TSNARE1: variants seen among roughly 807,000 people sequenced by gnomAD.
TSNARE1 encodes t-SNARE domain-containing protein 1.
A neutral mutation model predicts 62.0 loss-of-function variants in TSNARE1; 49 were observed. That is an observed-to-expected ratio of 0.79 (90% CI 0.63 to 1.00). The LOEUF (loss-of-function observed/expected upper bound fraction) is 1.00, where lower values mean the gene tolerates loss of function less well. TSNARE1 is among the 50% of genes least tolerant of loss of function. The pLI is 0.00. For synonymous variants in TSNARE1, 328 were observed against 294.4 expected (o/e 1.11, Z -1.17); for missense variants, 755 against 700.1 (o/e 1.08, Z -0.88).
chr8:142,288,442 C>T (rs1435798996), intron 10 of TSNARE1, among the ~76,000 whole-genome samples: 1 of 152,242 alleles, frequency 6.6e-6, no homozygotes, highest in Admixed American at 6.5e-5. Context: ...TTGGGGGAGG[C>T]CCCCGGAGGC....
intron 1 of TSNARE1, among the ~76,000 whole-genome samples, chr8:142,401,845 G>A (rs932287320): frequency 1.3e-5 from 2 of 152,208 alleles, no homozygotes; most frequent in African/African-American, 4.8e-5. Flanking sequence ...CTGCGGTCCT[G>A]TGATGTATGG....
chr8:142,406,861 AGCCCCAGCACAG>A (rs1838590529), upstream of TSNARE1: 3 of 152,266 alleles, frequency 2.0e-5, no homozygotes, highest in Non-Finnish European at 4.4e-5. Context: ...GGCCTGACAC[AGCCCCAGCACAG>A]GACAGTGGTC....
chr8:142,244,745 G>A (rs541987704), intron 12 of TSNARE1, among the ~76,000 whole-genome samples: 38 of 152,358 alleles, frequency 2.5e-4, no homozygotes, highest in African/African-American at 7.7e-4. Context: ...GACAGTGAGC[G>A]GGGACGCAGG....
chr8:142,300,724 G>T, intron 9 of TSNARE1, 80 bp from the exon 10 acceptor site: 1 of 1,481,214 alleles, frequency 6.8e-7, no homozygotes, highest in Non-Finnish European at 9.2e-7. Context: ...TCAACAAAAT[G>T]GTGCTTTTCC....
At chr8:142,400,032 C>T (rs1488784023) in intron 1 of TSNARE1, among the ~76,000 whole-genome samples, 1 of 151,334 alleles carries the variant, frequency 6.6e-6, no homozygotes, top group Non-Finnish European at 1.5e-5. Flanking sequence ...GTGAGACACG[C>T]CTATCTCAAA....
At chr8:142,361,344 C>A (rs562287326) in intron 1 of TSNARE1, among the ~76,000 whole-genome samples, 27 of 152,232 alleles carry the variant, frequency 1.8e-4, no homozygotes, top group Non-Finnish European at 3.1e-4. Flanking sequence ...TCAGTGAGGG[C>A]ACCAGAGGCC....
chr8:142,238,915 T>C (rs10464987), intron 12 of TSNARE1, among the ~76,000 whole-genome samples: 86,162 of 151,818 alleles, frequency 0.57, 26,505 homozygotes, highest in African/African-American at 0.81. Flanking sequence ...CTCTCAGACT[T>C]CTGCTCACCA....
intron 4 of TSNARE1, among the ~76,000 whole-genome samples, chr8:142,342,344 G>A (rs1304970542): frequency 6.6e-6 from 1 of 152,230 alleles, no homozygotes; most frequent in Non-Finnish European, 1.5e-5. Flanking sequence ...GGGGCTGGGA[G>A]CACTTGCTCA....
intron 12 of TSNARE1, chr8:142,273,066 A>G: frequency 1.0e-6 from 1 of 985,298 alleles, no homozygotes; most frequent in Non-Finnish European, 1.2e-6. Context: ...CCTCCTCTGC[A>G]GTGTGTCGGG....
chr8:142,320,372 C>T (rs1175691669), intron 6 of TSNARE1, among the ~76,000 whole-genome samples: 12 of 151,674 alleles, frequency 7.9e-5, no homozygotes, highest in African/African-American at 2.9e-4. Context: ...TTCACCTCCC[C>T]ACACCGCCCT....
At chr8:142,232,933 G>A (rs1817198733) in intron 12 of TSNARE1, among the ~76,000 whole-genome samples, 3 of 152,308 alleles carry the variant, frequency 2.0e-5, no homozygotes, top group Admixed American at 6.5e-5. Context: ...CTGCCTGGCC[G>A]GAGGGGCTGA....
intron 12 of TSNARE1, among the ~76,000 whole-genome samples, chr8:142,245,404 C>A (rs557691154): frequency 1.3e-5 from 2 of 152,316 alleles, no homozygotes; most frequent in East Asian, 3.9e-4. Context: ...CCAAAAACTG[C>A]AAACACTCTA....
intron 6 of TSNARE1, 27 bp from the exon 7 acceptor site, chr8:142,318,661 G>A (rs377404032): frequency 2.0e-4 from 322 of 1,611,576 alleles, no homozygotes; most frequent in Admixed American, 1.2e-3. Context: ...AGCCAGGAGC[G>A]AAGGCAGGGG....
intron 12 of TSNARE1, chr8:142,273,861 T>C (rs2130577437): frequency 7.1e-6 from 7 of 985,366 alleles, no homozygotes; most frequent in Non-Finnish European, 8.4e-6. Flanking sequence ...ACAGCTGTGA[T>C]ATCCCAGCGT....
intron 7 of TSNARE1, among the ~76,000 whole-genome samples, 180 bp downstream of exon 7, chr8:142,318,364 G>C (rs1442438893): frequency 6.6e-6 from 1 of 152,206 alleles, no homozygotes; most frequent in Admixed American, 6.5e-5. Flanking sequence ...GCTGCTGCCT[G>C]AATGGCTGCA....
At chr8:142,296,866 G>A (rs1189753083) in intron 10 of TSNARE1, among the ~76,000 whole-genome samples, 1 of 152,080 alleles carries the variant, frequency 6.6e-6, no homozygotes, top group Non-Finnish European at 1.5e-5. Flanking sequence ...GGCCTGGGCG[G>A]GGGCAAGGTC....
chr8:142,310,633 G>A lies in TSNARE1; in HGVS notation c.1131+3751C>T, dbSNP rs549852176. The stretch of plus-strand genomic sequence containing the variant: ...TGGAGATTAGTTATTTTTCTCATGC[G>A]TTTTGAAGGCACATTTCCACTGTCT... On this transcript the variant is annotated intron_variant, in intron 9 of 13. Transcript: ENST00000524325. Among the ~76,000 whole-genome samples, 8 of 152,204 alleles carry A rather than the reference G, an allele frequency of 5.3e-5. No individual in the cohort carries two copies. In the East Asian group the frequency reaches 5.8e-4, roughly 11 times the overall value.
intron 1 of TSNARE1, among the ~76,000 whole-genome samples, chr8:142,397,633 T>C (rs894629575): frequency 2.6e-5 from 4 of 152,152 alleles, no homozygotes; most frequent in African/African-American, 9.7e-5. Flanking sequence ...ACAGTTGATC[T>C]GGCCACAGCA....
chr8:142,239,400 G>A (rs950913420), intron 12 of TSNARE1, among the ~76,000 whole-genome samples: 6 of 152,120 alleles, frequency 3.9e-5, no homozygotes, highest in African/African-American at 1.4e-4. Flanking sequence ...AAGTTGGAAG[G>A]GAGTAATCAG....
Sources: gnomAD v4.1 joint callset for allele counts (sites outside exome capture counted in the v4.1 genomes callset) on GRCh38, gnomAD v4.1.1 for gene constraint, MANE v1.5 for transcripts, NCBI Gene and HGNC (gene_info 2026-07-23, HGNC 2026-07-21) for gene names.